ERBB4: variants seen among roughly 807,000 people sequenced by gnomAD.
ERBB4 encodes the protein receptor tyrosine-protein kinase erbB-4.
In ERBB4, 42 loss-of-function variants were observed where a neutral mutation model predicts 158.0. That is an observed-to-expected ratio of 0.27 (90% CI 0.21 to 0.34). The LOEUF (loss-of-function observed/expected upper bound fraction) is 0.34, where lower values mean the gene tolerates loss of function less well. ERBB4 is among the 10% of genes least tolerant of loss of function. ERBB4 has a pLI of 1.00. For missense variants in ERBB4, 1,333 were observed against 1,624.1 expected, an observed-to-expected ratio of 0.82 and a Z score of 3.08; for synonymous variants, 583 against 558.7, an observed-to-expected ratio of 1.04 and a Z score of -0.61.
At chr2:211,933,517 T>G (rs1377262826) in intron 3 of ERBB4, among the ~76,000 whole-genome samples, 1 of 152,078 alleles carries the variant, frequency 6.6e-6, no homozygotes, top group Non-Finnish European at 1.5e-5. Context: ...ACACATGAAT[T>G]ATGGCATCTA....
chr2:211,610,905 A>G (rs1403356277), intron 19 of ERBB4, among the ~76,000 whole-genome samples: 1 of 152,128 alleles, frequency 6.6e-6, no homozygotes, highest in Non-Finnish European at 1.5e-5. Flanking sequence ...GTTGAGGCTT[A>G]CGGAGAGCAA....
intron 19 of ERBB4, among the ~76,000 whole-genome samples, chr2:211,606,757 G>A (rs1351424370): frequency 6.6e-6 from 1 of 152,132 alleles, no homozygotes; most frequent in African/African-American, 2.4e-5. Flanking sequence ...TTCTGCAAAA[G>A]AATAAAATGT....
At chr2:212,393,872 G>A (rs1345191361) in intron 1 of ERBB4, among the ~76,000 whole-genome samples, 1 of 152,094 alleles carries the variant, frequency 6.6e-6, no homozygotes, top group South Asian at 2.1e-4. Context: ...AGTAAAAGAA[G>A]TCATTTGTTC....
intron 20 of ERBB4, among the ~76,000 whole-genome samples, chr2:211,470,578 G>T (rs975785702): frequency 6.6e-6 from 1 of 152,062 alleles, no homozygotes; most frequent in Non-Finnish European, 1.5e-5. Context: ...TGATACCTCA[G>T]TTTTCTAATC....
At chr2:211,880,636 G>C (rs569205465) in intron 3 of ERBB4, among the ~76,000 whole-genome samples, 1 of 152,188 alleles carries the variant, frequency 6.6e-6, no homozygotes, top group South Asian at 2.1e-4. Flanking sequence ...TGAGGCCCTA[G>C]GAACCATTAA....
intron 1 of ERBB4, among the ~76,000 whole-genome samples, chr2:212,286,594 CTTTTTTTTTTT>C (rs71054190): frequency 1.8e-5 from 1 of 55,540 alleles, no homozygotes; most frequent in Non-Finnish European, 3.6e-5. Context: ...TAAGTGCTGA[CTTTTTTTTTTT>C]TTTTTTTTTT....
intron 20 of ERBB4, among the ~76,000 whole-genome samples, chr2:211,516,542 C>T (rs752704089): frequency 2.1e-4 from 32 of 151,676 alleles, no homozygotes; most frequent in Non-Finnish European, 3.8e-4. Flanking sequence ...ACCATTTTGC[C>T]CAGGCTGGTC....
chr2:212,451,380 T>A (rs2092443781), intron 1 of ERBB4, among the ~76,000 whole-genome samples: 1 of 152,196 alleles, frequency 6.6e-6, no homozygotes, highest in South Asian at 2.1e-4. Flanking sequence ...TTAGATAGAA[T>A]TTACCGATTG....
chr2:212,458,246 G>T (rs1688398576), intron 1 of ERBB4, among the ~76,000 whole-genome samples: 1 of 152,062 alleles, frequency 6.6e-6, no homozygotes, highest in South Asian at 2.1e-4. Context: ...AAAGGACCAT[G>T]CAAAGGCAGC....
intron 23 of ERBB4, among the ~76,000 whole-genome samples, chr2:211,422,542 A>C (rs559329386): frequency 5.3e-5 from 8 of 151,910 alleles, no homozygotes; most frequent in African/African-American, 1.7e-4. Context: ...CTGTTCAGCA[A>C]TAGACATTAG....
chr2:211,834,147 T>A (rs2077286407), intron 3 of ERBB4, among the ~76,000 whole-genome samples: 1 of 152,178 alleles, frequency 6.6e-6, no homozygotes, highest in African/African-American at 2.4e-5. Context: ...AAAGGAGTAG[T>A]ATAAAGATAT....
rs1476911462 is a variant in ERBB4, at chr2:211,431,616, CTTATTATACTATTCT to C, written c.2488-531_2488-517del. 2.7e-3 allele frequency among the ~76,000 whole-genome samples: 410 copies of C among 151,048 alleles called. 2 individuals are homozygous for C. The highest frequency in any genetic ancestry group is 9.4e-3 in the African/African-American group (382 of 40,460). ...ATGGAGGCTGAAGAATTATACTATT[CTTATTATACTATTCT>C]TATTAATCATGCACAGAATGAAGTA... On this transcript the variant is annotated intron_variant, in intron 20 of 27. Coordinates refer to ENST00000342788, the MANE Select transcript of ERBB4 (RefSeq NM_005235.3).
At chr2:211,913,954 A>G (rs1294879720) in intron 3 of ERBB4, among the ~76,000 whole-genome samples, 1 of 151,604 alleles carries the variant, frequency 6.6e-6, no homozygotes, top group African/African-American at 2.4e-5. Context: ...GAAAACAAAA[A>G]TCAAATAAGT....
intron 3 of ERBB4, among the ~76,000 whole-genome samples, chr2:211,810,004 G>T (rs549849714): frequency 6.6e-6 from 1 of 152,306 alleles, no homozygotes; most frequent in African/African-American, 2.4e-5. Context: ...GCTGTTTTGA[G>T]TGAGTTTCTT....
chr2:212,296,451 C>A (rs1373256345), intron 1 of ERBB4, among the ~76,000 whole-genome samples: 4 of 151,614 alleles, frequency 2.6e-5, no homozygotes, highest in Non-Finnish European at 5.9e-5. Context: ...TATAACAGTT[C>A]TTCAGTAATG....
chr2:211,673,382 G>T, intron 13 of ERBB4, 125 bp from the exon 14 acceptor site: 1 of 729,260 alleles, frequency 1.4e-6, no homozygotes. Context: ...TATGTGCCAG[G>T]AGCATCAGAA....
intron 2 of ERBB4, among the ~76,000 whole-genome samples, chr2:212,077,665 GCAGGGGA>G: frequency 6.6e-6 from 1 of 151,954 alleles, no homozygotes; most frequent in Admixed American, 6.6e-5. Flanking sequence ...GCAAAGGCAA[GCAGGGGA>G]CTTAAGAGAA....
intron 1 of ERBB4, among the ~76,000 whole-genome samples, chr2:212,161,729 C>T (rs1218166957): frequency 6.6e-6 from 1 of 151,772 alleles, no homozygotes. Flanking sequence ...TACACTAGTC[C>T]TTTGAGTTAT....
intron 2 of ERBB4, among the ~76,000 whole-genome samples, chr2:212,032,789 T>C (rs1157518788): frequency 6.6e-6 from 1 of 151,896 alleles, no homozygotes; most frequent in Non-Finnish European, 1.5e-5. Context: ...GGTAAGGACA[T>C]AGATGGGCTA....
Sources: allele counts gnomAD v4.1 joint callset (sites outside exome capture counted in the v4.1 genomes callset), GRCh38; gene constraint gnomAD v4.1.1; transcripts MANE v1.5; gene names NCBI Gene and HGNC (gene_info 2026-07-23, HGNC 2026-07-21).